The following HECTD4 variants were observed in gnomAD, a reference collection of about 807,000 sequenced individuals.
HECTD4 encodes the protein probable E3 ubiquitin-protein ligase HECTD4.
HECTD4 carries 114 observed loss-of-function variants against 471.5 expected under a neutral mutation model. That is an observed-to-expected ratio of 0.24 (90% confidence interval 0.21 to 0.28). The LOEUF (loss-of-function observed/expected upper bound fraction) is 0.28, where lower values mean the gene tolerates loss of function less well. Ranked by LOEUF, HECTD4 falls within the 10% of genes least tolerant of loss-of-function variation. The pLI is 1.00. For missense variants in HECTD4, 3,866 were observed against 5,651.5 expected (o/e 0.68, Z 10.13); for synonymous variants, 2,012 against 2,256.0 (o/e 0.89, Z 3.07).
In HECTD4 at chr12:112,240,075, CAG is replaced by C. The variant is rs763290173; in HGVS notation, c.4959-50_4959-49del. 5.0e-6 allele frequency: 8 copies of C among 1,601,928 alleles called. 1 individual carries two copies. The South Asian group carries it at 8.9e-5, about 18-fold the overall frequency. The stretch of plus-strand genomic sequence containing the variant: ...CAGGCTTCCTGAACCATGTCAAGAA[CAG>C]TGGCTGAGCAGGAGAGGCCTCTTGA... On this transcript the variant is annotated intron_variant, in intron 32 of 75. Coordinates refer to ENST00000682272, the MANE Select transcript of HECTD4 (RefSeq NM_001388303.1).
chr12:112,378,279 C>T (rs1240113398), intron 1 of HECTD4, among the ~76,000 whole-genome samples: 3 of 152,178 alleles, frequency 2.0e-5, no homozygotes, highest in South Asian at 2.1e-4. Context: ...AGTGCAGTGA[C>T]GCGATCTCAG....
At chr12:112,280,357 G>A (rs1473839175) in intron 8 of HECTD4, among the ~76,000 whole-genome samples, 6 of 151,984 alleles carry the variant, frequency 3.9e-5, no homozygotes, top group African/African-American at 4.8e-5. Flanking sequence ...GTGAATTTAC[G>A]GATTTTCTAT....
At chr12:112,373,172 G>A (rs1486712929) in intron 1 of HECTD4, among the ~76,000 whole-genome samples, 2 of 152,120 alleles carry the variant, frequency 1.3e-5, no homozygotes, top group Admixed American at 6.5e-5. Context: ...TTCAGTCTTA[G>A]CTTTGCCACT....
chr12:112,297,437 G>A (rs1471117959), intron 7 of HECTD4, among the ~76,000 whole-genome samples: 1 of 151,882 alleles, frequency 6.6e-6, no homozygotes, highest in Non-Finnish European at 1.5e-5. Context: ...TACAGAGGGT[G>A]TAGGTGCAGT....
intron 2 of HECTD4, among the ~76,000 whole-genome samples, chr12:112,316,505 T>C (rs746687930): frequency 1.3e-5 from 2 of 152,136 alleles, no homozygotes; most frequent in Non-Finnish European, 2.9e-5. Flanking sequence ...ACTGTATCCC[T>C]ACCACCAAGA....
intron 22 of HECTD4, among the ~76,000 whole-genome samples, chr12:112,253,372 G>A (rs1352178585): frequency 2.0e-5 from 3 of 150,920 alleles, no homozygotes; most frequent in Non-Finnish European, 4.4e-5. Flanking sequence ...TGATCTGCCC[G>A]CCACAGCCTC....
chr12:112,379,818 G>A, intron 1 of HECTD4, among the ~76,000 whole-genome samples: 1 of 151,634 alleles, frequency 6.6e-6, no homozygotes, highest in South Asian at 2.1e-4. Context: ...CATGGAGCCT[G>A]TATAACATGG....
At chr12:112,311,471 G>GT (rs747194957) in intron 4 of HECTD4, among the ~76,000 whole-genome samples, 26 of 143,366 alleles carry the variant, frequency 1.8e-4, no homozygotes, top group South Asian at 6.7e-4. Flanking sequence ...AATAAATAAA[G>GT]TAATTATCCA....
chr12:112,205,739 C>T (rs1254896873), intron 52 of HECTD4, among the ~76,000 whole-genome samples: 1 of 151,956 alleles, frequency 6.6e-6, no homozygotes, highest in Admixed American at 6.6e-5. Flanking sequence ...TACAGGCGCG[C>T]ACTACCACAC....
intron 1 of HECTD4, among the ~76,000 whole-genome samples, chr12:112,375,805 A>G (rs1343916725): frequency 6.6e-6 from 1 of 151,992 alleles, no homozygotes; most frequent in African/African-American, 2.4e-5. Flanking sequence ...GTGGTGGCTC[A>G]CGTCTGTAAT....
At chr12:112,329,049 T>C (rs920129860) in intron 1 of HECTD4, among the ~76,000 whole-genome samples, 1 of 152,214 alleles carries the variant, frequency 6.6e-6, no homozygotes, top group Admixed American at 6.5e-5. Context: ...GAAAGTTCCA[T>C]CTTGTTGTGG....
At chr12:112,282,546 TAATA>T (rs2034667937) in intron 8 of HECTD4, among the ~76,000 whole-genome samples, 1 of 152,136 alleles carries the variant, frequency 6.6e-6, no homozygotes, top group South Asian at 2.1e-4. Context: ...AAATGAAAAC[TAATA>T]AATATAGTTA....
chr12:112,335,153 CACACACACACACAG>C (rs1566115914), intron 1 of HECTD4, among the ~76,000 whole-genome samples: 1 of 151,958 alleles, frequency 6.6e-6, no homozygotes, highest in East Asian at 1.9e-4. Context: ...TACACACACA[CACACACACACACAG>C]ACACACACAC....
intron 1 of HECTD4, among the ~76,000 whole-genome samples, chr12:112,377,987 G>A (rs1171713473): frequency 1.3e-5 from 2 of 152,184 alleles, no homozygotes; most frequent in Non-Finnish European, 2.9e-5. Flanking sequence ...CTTCTTAGGA[G>A]GGATTCTTTC....
intron 45 of HECTD4, 24 bp downstream of exon 45, chr12:112,219,362 C>A: frequency 6.4e-7 from 1 of 1,563,428 alleles, no homozygotes; most frequent in South Asian, 1.1e-5. Context: ...CTGCAGGAGG[C>A]GCGAAGCACC....
chr12:112,379,875 C>G (rs2036857206), intron 1 of HECTD4, among the ~76,000 whole-genome samples: 1 of 151,674 alleles, frequency 6.6e-6, no homozygotes, highest in Admixed American at 6.6e-5. Flanking sequence ...AAATGTTTAT[C>G]ACCCATACAC....
At position 112,211,179 on chromosome 12, in the gene HECTD4, A is replaced by G. The variant is rs1448640256; in HGVS notation, c.7630-927T>C. Among the ~76,000 whole-genome samples the G allele has an allele frequency of 7.2e-5, 11 of 152,138 alleles. 1 individual carries two copies. Among genetic ancestry groups the G allele is most frequent in the Admixed American group, 7.2e-4 (11 of 15,264 alleles). Reference sequence around the variant, plus strand: ...AGCCTAGCCAACATGGTGAAACCTCATTTCTACTAAAAATACAAAAATTAG... The same window carrying G: ...AGCCTAGCCAACATGGTGAAACCTCGTTTCTACTAAAAATACAAAAATTAG... On this transcript the variant is annotated intron_variant, in intron 49 of 75. Transcript: ENST00000682272.
intron 1 of HECTD4, among the ~76,000 whole-genome samples, chr12:112,354,082 AT>A (rs760891813): frequency 2.0e-5 from 3 of 151,564 alleles, no homozygotes; most frequent in Non-Finnish European, 4.4e-5. Context: ...TTTTATTTTG[AT>A]TTTTTTTGAG....
At chr12:112,313,644 C>T (rs548162371) in intron 3 of HECTD4, among the ~76,000 whole-genome samples, 32 of 151,994 alleles carry the variant, frequency 2.1e-4, no homozygotes, top group South Asian at 2.1e-3. Context: ...CTCACCATCA[C>T]GCCCGGCTAA....
Sources: allele counts gnomAD v4.1 joint callset (sites outside exome capture counted in the v4.1 genomes callset), GRCh38; gene constraint gnomAD v4.1.1; transcripts MANE v1.5; gene names NCBI Gene and HGNC (gene_info 2026-07-23, HGNC 2026-07-21).